Variants in UGT2B7 observed in about 807,000 individuals in gnomAD.
UGT2B7 encodes the protein UDP glucuronosyltransferase family 2 member B7, also known as UDP-glucuronosyltransferase 2B7.
A neutral mutation model predicts 51.9 loss-of-function variants in UGT2B7; 51 were observed. That is an observed-to-expected ratio of 0.98 (90% confidence interval 0.78 to 1.24). The LOEUF is 1.24. Ranked by LOEUF, UGT2B7 falls within the 50% of genes most tolerant of loss-of-function variation. The pLI, the probability that UGT2B7 is intolerant of heterozygous loss-of-function variation, is 0.00. For missense variants in UGT2B7, 727 were observed against 628.4 expected (o/e 1.16, Z -1.68); for synonymous variants, 225 against 211.6 (o/e 1.06, Z -0.55).
intron 1 of UGT2B7, among the ~76,000 whole-genome samples, chr4:69,084,036 G>C (rs1184083226): frequency 6.6e-6 from 1 of 151,984 alleles, no homozygotes; most frequent in East Asian, 1.9e-4. Context: ...GCCTTTATAA[G>C]TTTGAAGTGT....
intron 1 of UGT2B7, among the ~76,000 whole-genome samples, chr4:69,076,787 T>C (rs1718717380): frequency 6.6e-6 from 1 of 152,226 alleles, no homozygotes; most frequent in Non-Finnish European, 1.5e-5. Context: ...TTTAGTTTAA[T>C]TAGATCCCAT....
At chr4:69,090,241 T>G (rs1339292743) in intron 2 of UGT2B7, among the ~76,000 whole-genome samples, 9 of 152,288 alleles carry the variant, frequency 5.9e-5, no homozygotes, top group Admixed American at 3.3e-4. Context: ...TTTTTAAAAA[T>G]GTAATGTTTA....
At chr4:69,108,516 C>T (rs1327612262) in intron 5 of UGT2B7, among the ~76,000 whole-genome samples, 194 bp downstream of exon 5, 3 of 151,612 alleles carry the variant, frequency 2.0e-5, no homozygotes, top group Admixed American at 1.3e-4. Context: ...TAAAGAATAG[C>T]CAGTTAGTGA....
At chr4:69,079,583 T>C (rs1718790212) in intron 1 of UGT2B7, among the ~76,000 whole-genome samples, 3 of 152,208 alleles carry the variant, frequency 2.0e-5, no homozygotes, top group Admixed American at 2.0e-4. Context: ...TCCTGTGAAG[T>C]ATATTTTCAT....
rs1718222132 is a variant in UGT2B7 at position 69,057,114 on chromosome 4, C to A, written c.-159+5512C>A. Among the ~76,000 whole-genome samples the A allele has an allele frequency of 3.3e-5, 5 of 152,138 alleles. No homozygotes were observed. In the South Asian group the frequency reaches 1.0e-3, roughly 32 times the overall value. On this transcript the variant is annotated intron_variant, in intron 1 of 5. Coordinates refer to the UGT2B7 transcript ENST00000502942. ...CTGCCCTGTTCTGTTTCTCTCTGAC[C>A]ACCAGTGCGTGCAGCCCCTGTCATG... is the stretch of plus-strand genomic sequence containing the variant.
Position 69,097,193 on chromosome 4 carries a change from G to T in UGT2B7, c.673G>T (p.Glu225Ter), listed in dbSNP as rs146308452. 6.2e-7 allele frequency: 1 copy of T among 1,612,466 alleles called. No homozygotes were observed. Among genetic ancestry groups the T allele is most frequent in the Admixed American group, 1.7e-5 (1 of 59,668 alleles). Residue 225 changes from glutamate (E) to a stop codon, truncating the protein, a stop_gained, in exon 1 of 6, where the codon GAA becomes TAA. Coordinates refer to ENST00000305231, the MANE Select transcript of UGT2B7 (RefSeq NM_001074.4). LOFTEE classifies it high-confidence loss of function. ...TGTGCTTTACTTTGACTTTTGGTTCGAAATATTTGACATGAAGAAGTGGGA... is the reference window on the plus strand; with the variant it reads ...TGTGCTTTACTTTGACTTTTGGTTCTAAATATTTGACATGAAGAAGTGGGA... The part of the protein sequence containing the change: ...IYVLYFDFWF[E>*]IFDMKKWDQF...
At chr4:69,109,691 T>C (rs750249653) in intron 5 of UGT2B7, among the ~76,000 whole-genome samples, 1 of 151,996 alleles carries the variant, frequency 6.6e-6, no homozygotes, top group Non-Finnish European at 1.5e-5. Flanking sequence ...TACTTTTTGA[T>C]GTTGGTCTTT....
chr4:69,071,097 T>A (rs1208621998), intron 1 of UGT2B7, among the ~76,000 whole-genome samples: 1 of 152,098 alleles, frequency 6.6e-6, no homozygotes, highest in African/African-American at 2.4e-5. Flanking sequence ...CCATTTGTAA[T>A]TGGATGGTAA....
chr4:69,111,849 G>C (rs1426289892), intron 5 of UGT2B7, among the ~76,000 whole-genome samples: 2 of 152,240 alleles, frequency 1.3e-5, no homozygotes, highest in East Asian at 3.9e-4. Context: ...AACTTTCTAT[G>C]ATGACTCAAA....
intron 1 of UGT2B7, among the ~76,000 whole-genome samples, chr4:69,061,199 A>G (rs1162551078): frequency 2.0e-5 from 3 of 152,336 alleles, no homozygotes; most frequent in East Asian, 3.9e-4. Flanking sequence ...GCAAATATTT[A>G]CACAGACTCT....
Position 69,112,836 on chromosome 4 carries a change from CAAAAAAAAAAAAAG to C in UGT2B7, c.*110_*123del. Reference sequence around the variant, plus strand: ...ATGCAAGATTTCTTTCTTCCTGAGACAAAAAAAAAAAAAGAAAAAAAAATCTTTTCAAAATTTAC... The same window carrying C: ...ATGCAAGATTTCTTTCTTCCTGAGACAAAAAAAAATCTTTTCAAAATTTAC... On this transcript the variant is annotated 3_prime_UTR_variant, in exon 6 of 6. Coordinates refer to ENST00000305231, the MANE Select transcript of UGT2B7 (RefSeq NM_001074.4). The C allele has an allele frequency of 2.8e-6, 3 of 1,056,120 alleles. No homozygotes were observed. Among genetic ancestry groups the C allele is most frequent in the Non-Finnish European group, 3.6e-6 (3 of 824,542 alleles). 65.4% of individuals were successfully genotyped at this position (1,056,120 alleles called of 1,614,324 possible). A position where few individuals can be genotyped will look rare whatever the true frequency, so the allele number is the denominator to read the frequency against.
At chr4:69,085,604 A>G (rs138035197) in intron 1 of UGT2B7, among the ~76,000 whole-genome samples, 6 of 152,184 alleles carry the variant, frequency 3.9e-5, no homozygotes, top group African/African-American at 1.4e-4. Context: ...TAGGTTTCAC[A>G]TATAAGTCTT....
In UGT2B7 at chr4:69,102,916, C is replaced by T. The variant is rs1372365173; in HGVS notation, c.980C>T (p.Ala327Val). The change falls in exon 3 of 6, where the codon GCC (alanine) becomes GTC (valine). Residue 327 changes from alanine to valine, a missense_variant. By Grantham distance (64) the Ala-to-Val change is moderately conservative. Coordinates refer to ENST00000305231, the MANE Select transcript of UGT2B7 (RefSeq NM_001074.4). The part of the protein sequence containing the change: ...TEERANVIAS[A>V]LAQIPQKVLW... ...GAAAGGGCCAACGTAATTGCATCAGCCCTGGCCCAGATCCCACAAAAGGTA... is the reference window on the plus strand; with the variant it reads ...GAAAGGGCCAACGTAATTGCATCAGTCCTGGCCCAGATCCCACAAAAGGTA... 2 of 1,613,178 alleles carry T rather than the reference C, an allele frequency of 1.2e-6. No homozygotes were observed. Among genetic ancestry groups the T allele is most frequent in the Non-Finnish European group, 1.7e-6 (2 of 1,179,558 alleles).
intron 1 of UGT2B7, among the ~76,000 whole-genome samples, 155 bp from the exon 2 acceptor site, chr4:69,098,385 A>C (rs1577922110): frequency 6.6e-6 from 1 of 152,176 alleles, no homozygotes; most frequent in Admixed American, 6.6e-5. Context: ...GTAATACATA[A>C]AATTAAATTA....
At chr4:69,111,213 GA>G (rs899282481) in intron 5 of UGT2B7, among the ~76,000 whole-genome samples, 4 of 152,142 alleles carry the variant, frequency 2.6e-5, no homozygotes, top group African/African-American at 9.7e-5. Flanking sequence ...AAAGTGTTAG[GA>G]AAAGAGTTTG....
At chr4:69,093,968 T>A (rs1719151549), upstream of UGT2B7, among the ~76,000 whole-genome samples, 1 of 152,204 alleles carries the variant, frequency 6.6e-6, no homozygotes, top group Admixed American at 6.5e-5. Flanking sequence ...CGGTCAGTCA[T>A]CCTGGCCACT....
chr4:69,061,533 G>C (rs1448895265), intron 1 of UGT2B7, among the ~76,000 whole-genome samples: 1 of 152,168 alleles, frequency 6.6e-6, no homozygotes, highest in African/African-American at 2.4e-5. Context: ...AAATAAAAGG[G>C]CTTGATTTGC....
chr4:69,065,882 T>C (rs1365096262), intron 1 of UGT2B7, among the ~76,000 whole-genome samples: 4 of 152,218 alleles, frequency 2.6e-5, no homozygotes, highest in African/African-American at 9.6e-5. Context: ...ACTAGAATTA[T>C]GTCTGCCTAA....
intron 1 of UGT2B7, among the ~76,000 whole-genome samples, chr4:69,056,881 CAT>C (rs1420975766): frequency 6.6e-6 from 1 of 152,126 alleles, no homozygotes; most frequent in Non-Finnish European, 1.5e-5. Flanking sequence ...AAGACCCTCT[CAT>C]ATTATTTTAT....
Sources: gnomAD v4.1 joint callset for allele counts (sites outside exome capture counted in the v4.1 genomes callset) on GRCh38, gnomAD v4.1.1 for gene constraint, MANE v1.5 for transcripts, NCBI Gene and HGNC (gene_info 2026-07-23, HGNC 2026-07-21) for gene names.